RPS6KA1: variants seen among roughly 807,000 people sequenced by gnomAD.
RPS6KA1 encodes the protein ribosomal protein S6 kinase alpha-1.
A neutral mutation model predicts 91.3 loss-of-function variants in RPS6KA1; 48 were observed. The observed-to-expected ratio is 0.53, with a 90% confidence interval of 0.42 to 0.67. The LOEUF is 0.67. Among genes scored for constraint, RPS6KA1 ranks in the 30% least tolerant of loss-of-function variants. The pLI is 0.00. For missense variants in RPS6KA1, 719 were observed against 960.5 expected, an observed-to-expected ratio of 0.75 and a Z score of 3.32; for synonymous variants, 359 against 384.7, an observed-to-expected ratio of 0.93 and a Z score of 0.78.
chr1:26,547,601 G>T lies in RPS6KA1; in HGVS notation c.307+331G>T. On this transcript the variant is annotated intron_variant, in intron 4 of 21. Coordinates refer to ENST00000374168, the MANE Select transcript of RPS6KA1 (RefSeq NM_002953.4). The surrounding 1 kb of genome is among the most constrained non-coding windows in gnomAD (Gnocchi z 4.1). ...AGAAGAGTCTGGGGGAGACCTCTGT[G>T]GCCCCTAACTCAGGGGCCTGAGAGA... The T allele has an allele frequency of 3.7e-6, 1 of 271,382 alleles. No homozygotes were observed. 16.8% of individuals were successfully genotyped at this position (271,382 alleles called of 1,614,324 possible). A position where few individuals can be genotyped will look rare whatever the true frequency, so the allele number is the denominator to read the frequency against.
intron 2 of RPS6KA1, chr1:26,543,006 A>C: frequency 1.3e-6 from 1 of 756,206 alleles, no homozygotes; most frequent in Non-Finnish European, 2.1e-6. Flanking sequence ...CCCCTCCTCT[A>C]TAGAGGAGCC....
chr1:26,570,596 C>T (rs879776832), intron 17 of RPS6KA1, among the ~76,000 whole-genome samples: 3 of 152,134 alleles, frequency 2.0e-5, no homozygotes, highest in South Asian at 2.1e-4. Flanking sequence ...AGAGGAAAGC[C>T]GTTTGCTTAT....
chr1:26,553,993 C>T, intron 7 of RPS6KA1: 1 of 510,326 alleles, frequency 2.0e-6, no homozygotes. Context: ...AAACGGGGCC[C>T]TAATAGTACT....
At chr1:26,543,502 G>A (rs762633427) in intron 2 of RPS6KA1, among the ~76,000 whole-genome samples, 2 of 152,184 alleles carry the variant, frequency 1.3e-5, no homozygotes, top group Non-Finnish European at 2.9e-5. Context: ...TGATTTGACT[G>A]CAGTTTTGTG....
Position 26,571,170 on chromosome 1 carries a change from A to T in RPS6KA1, c.1591-279A>T. 2.6e-6 allele frequency: 1 copy of T among 381,988 alleles called. No individual in the cohort carries two copies. The highest frequency in any genetic ancestry group is 4.7e-6 in the Non-Finnish European group (1 of 210,982). The allele number at this position is 381,988 out of a possible 1,614,324, so 23.7% of individuals were successfully genotyped here. On this transcript the variant is annotated intron_variant, in intron 17 of 21. Transcript: ENST00000374168. This position sits in a 1 kb window ranked among gnomAD's most constrained non-coding sequence, Gnocchi z 5.1. ...TTGACCTAAGTAACAGGAAGGATGG[A>T]GTTGCCACAAGGTAAGATTATGTGA...
chr1:26,573,950 AC>A, intron 21 of RPS6KA1, 128 bp from the exon 22 acceptor site: 26 of 1,074,624 alleles, frequency 2.4e-5, no homozygotes, highest in Non-Finnish European at 3.2e-5. Flanking sequence ...AAAAAAAAAA[AC>A]AACAAAAACA....
In RPS6KA1 at chr1:26,551,321, G is replaced by A; in HGVS notation, c.308-76G>A. On this transcript the variant is annotated intron_variant, in intron 4 of 21. Coordinates refer to ENST00000374168, the MANE Select transcript of RPS6KA1 (RefSeq NM_002953.4). This position sits in a 1 kb window ranked among gnomAD's most constrained non-coding sequence, Gnocchi z 4.5. ...GGCCTGGAGGAACAAGTGGAAAAGA[G>A]ATCCCTTAGCGGGGGCTTGGGAGTG... 7.7e-7 allele frequency: 1 copy of A among 1,305,498 alleles called. No individual in the cohort carries two copies. The highest frequency in any genetic ancestry group is 1.1e-6 in the Non-Finnish European group (1 of 905,092). 80.9% of individuals were successfully genotyped at this position (1,305,498 alleles called of 1,614,324 possible). A position where few individuals can be genotyped will look rare whatever the true frequency, so the allele number is the denominator to read the frequency against.
At chr1:26,530,160 G>A (rs753350930) in intron 1 of RPS6KA1, among the ~76,000 whole-genome samples, 177 bp downstream of exon 1, 1 of 152,178 alleles carries the variant, frequency 6.6e-6, no homozygotes, top group Non-Finnish European at 1.5e-5. Flanking sequence ...GCGTGTGCGA[G>A]GGACAGTTCC....
At position 26,561,429 on chromosome 1, in the gene RPS6KA1, T is replaced by G; in HGVS notation, c.1432-76T>G. The stretch of plus-strand genomic sequence containing the variant: ...GCCCAAGGCTCATGTCATTCTTCCC[T>G]GCTCTGGGGCGCTGCTGACCAGGGG... On this transcript the variant is annotated intron_variant, in intron 16 of 21. Coordinates refer to ENST00000374168, the MANE Select transcript of RPS6KA1 (RefSeq NM_002953.4). The surrounding 1 kb of genome is among the most constrained non-coding windows in gnomAD (Gnocchi z 5.7). The G allele has an allele frequency of 6.3e-7, 1 of 1,585,348 alleles. No individual in the cohort carries two copies. Among genetic ancestry groups the G allele is most frequent in the Non-Finnish European group, 8.6e-7 (1 of 1,156,096 alleles).
At chr1:26,533,921 C>A (rs571616221) in intron 1 of RPS6KA1, among the ~76,000 whole-genome samples, 1 of 152,204 alleles carries the variant, frequency 6.6e-6, no homozygotes, top group East Asian at 1.9e-4. Context: ...CCCCTGACCC[C>A]CCTACCAGTC....
At chr1:26,535,272 AG>A (rs1345183709) in intron 1 of RPS6KA1, among the ~76,000 whole-genome samples, 1 of 151,850 alleles carries the variant, frequency 6.6e-6, no homozygotes, top group Non-Finnish European at 1.5e-5. Flanking sequence ...AAAGGGGCTC[AG>A]GGGGCAGGAT....
At chr1:26,545,348 T>TG (rs1269381298) in intron 2 of RPS6KA1, among the ~76,000 whole-genome samples, 1 of 149,706 alleles carries the variant, frequency 6.7e-6, no homozygotes, top group African/African-American at 2.5e-5. Flanking sequence ...TTTTTTTTTT[T>TG]TGTATTTTTA....
Position 26,551,630 on chromosome 1 carries a change from C to T in RPS6KA1, c.389-14C>T. On this transcript the variant is annotated splice_polypyrimidine_tract_variant and intron_variant, in intron 5 of 21. Transcript: ENST00000374168. This position sits in a 1 kb window ranked among gnomAD's most constrained non-coding sequence, Gnocchi z 4.5. ...CCGCGCCGACTCTACCATTGCCTTT[C>T]TCCCTCTTCCCAGCCTTCCAGACCG... The T allele has an allele frequency of 1.9e-6, 3 of 1,613,552 alleles. No individual in the cohort carries two copies. The highest frequency in any genetic ancestry group is 2.5e-6 in the Non-Finnish European group (3 of 1,179,416).
chr1:26,547,410 T>A lies in RPS6KA1; in HGVS notation c.307+140T>A. On this transcript the variant is annotated intron_variant, in intron 4 of 21. Coordinates refer to ENST00000374168, the MANE Select transcript of RPS6KA1 (RefSeq NM_002953.4). This position sits in a 1 kb window ranked among gnomAD's most constrained non-coding sequence, Gnocchi z 4.1. ...TCAAAGGTGGAGAAACAGGCCTATT[T>A]CTCAGCTATCCCTCGCCAGCCAATC... The A allele has an allele frequency of 1.5e-6, 1 of 668,370 alleles. No homozygotes were observed. Among genetic ancestry groups the A allele is most frequent in the Non-Finnish European group, 2.6e-6 (1 of 381,842 alleles). The allele number at this position is 668,370 out of a possible 1,614,324, so 41.4% of individuals were successfully genotyped here.
intron 13 of RPS6KA1, among the ~76,000 whole-genome samples, chr1:26,557,554 C>T (rs1009574660): frequency 5.3e-5 from 8 of 152,156 alleles, no homozygotes; most frequent in African/African-American, 1.9e-4. Flanking sequence ...TGCCCGGCCT[C>T]CGTGTACTTA....
Position 26,554,805 on chromosome 1 carries a change from G to T in RPS6KA1, c.756+67G>T. 6.5e-7 allele frequency: 1 copy of T among 1,526,874 alleles called. No homozygotes were observed. The highest frequency in any genetic ancestry group is 2.1e-5 in the Admixed American group (1 of 48,372). The allele number at this position is 1,526,874 out of a possible 1,614,324, so 94.6% of individuals were successfully genotyped here. A position where few individuals can be genotyped will look rare whatever the true frequency, so the allele number is the denominator to read the frequency against. On this transcript the variant is annotated intron_variant, in intron 9 of 21. Transcript: ENST00000374168. The surrounding 1 kb of genome is among the most constrained non-coding windows in gnomAD (Gnocchi z 4.6). ...TGGCCTCAGTCTCCCTATCTGTACA[G>T]TGAGGGGGTTGATCATTTCTAGGGC... is the stretch of plus-strand genomic sequence containing the variant.
intron 1 of RPS6KA1, among the ~76,000 whole-genome samples, chr1:26,531,058 A>C (rs2075863779): frequency 6.6e-6 from 1 of 152,004 alleles, no homozygotes; most frequent in Admixed American, 6.5e-5. Context: ...GGCAGCCACC[A>C]AGTGTCCTGC....
At chr1:26,562,906 G>A (rs950668277) in intron 17 of RPS6KA1, among the ~76,000 whole-genome samples, 5 of 126,206 alleles carry the variant, frequency 4.0e-5, no homozygotes, top group Non-Finnish European at 4.7e-5. Flanking sequence ...GCACGATCTT[G>A]GCTCACTGCA....
rs1557502442 is a variant in RPS6KA1, at chr1:26,554,117, C to T, written c.576-97C>T. The T allele has an allele frequency of 1.5e-6, 2 of 1,303,530 alleles. No individual in the cohort carries two copies. Among genetic ancestry groups the T allele is most frequent in the South Asian group, 1.4e-5 (1 of 70,028 alleles). The allele number at this position is 1,303,530 out of a possible 1,614,324, so 80.7% of individuals were successfully genotyped here. ...CATCAGAGAGAATTGGGTGGAGCAC[C>T]TCCTCTGGGCTGAACCCAACTCCCA... On this transcript the variant is annotated intron_variant, in intron 7 of 21. Transcript: ENST00000374168. This position sits in a 1 kb window ranked among gnomAD's most constrained non-coding sequence, Gnocchi z 4.6.
Sources: allele counts gnomAD v4.1 joint callset (sites outside exome capture counted in the v4.1 genomes callset), GRCh38; gene constraint gnomAD v4.1.1; non-coding constraint Gnocchi (gnomAD v3.1); transcripts MANE v1.5; gene names NCBI Gene and HGNC (gene_info 2026-07-23, HGNC 2026-07-21).